Variants in KLHL15 observed in about 807,000 individuals in gnomAD.
KLHL15 encodes kelch-like protein 15.
A neutral mutation model predicts 29.3 loss-of-function variants in KLHL15; 1 was observed. The ratio of observed to expected loss-of-function variants is 0.03; its 90% CI spans 0.01 to 0.16. The LOEUF (loss-of-function observed/expected upper bound fraction) is 0.16. Among genes scored for constraint, KLHL15 ranks in the 10% least tolerant of loss-of-function variants. KLHL15 has a pLI of 1.00. For synonymous variants in KLHL15, 212 were observed against 184.5 expected, an observed-to-expected ratio of 1.15 and a Z score of -1.21; for missense variants, 215 against 478.5, an observed-to-expected ratio of 0.45 and a Z score of 5.14.
intron 2 of KLHL15, among the ~76,000 whole-genome samples, chrX:24,020,684 A>T (rs1929785938): frequency 8.9e-6 from 1 of 111,970 alleles, no homozygotes; most frequent in African/African-American, 3.2e-5. Context: ...GACTAGAAGT[A>T]GTCCAAGAGT....
chrX:23,995,120 GCATA>G (rs1466371104), intron 3 of KLHL15, among the ~76,000 whole-genome samples: 1 of 110,828 alleles, frequency 9.0e-6, no homozygotes, highest in African/African-American at 3.3e-5. Flanking sequence ...ACACACACAC[GCATA>G]TATACACACA....
chrX:23,995,045 C>T (rs766476618), intron 3 of KLHL15, among the ~76,000 whole-genome samples: 1 of 111,155 alleles, frequency 9.0e-6, no homozygotes, highest in South Asian at 3.7e-4. Flanking sequence ...TATGATATAG[C>T]TGACAATGAA....
intron 2 of KLHL15, among the ~76,000 whole-genome samples, chrX:24,011,680 G>C (rs1395062621): frequency 9.0e-6 from 1 of 110,657 alleles, no homozygotes; most frequent in Non-Finnish European, 1.9e-5. Context: ...GCTCACATCT[G>C]TAGTCCTGGC....
intron 2 of KLHL15, among the ~76,000 whole-genome samples, chrX:24,012,632 T>TA (rs1207002498): frequency 1.8e-5 from 2 of 112,190 alleles, no homozygotes; most frequent in African/African-American, 6.5e-5. Flanking sequence ...TCTCCATCCT[T>TA]ACTCCAGTCC....
intron 2 of KLHL15, among the ~76,000 whole-genome samples, chrX:24,018,526 G>C (rs57815594): frequency 1.8e-5 from 2 of 109,056 alleles, no homozygotes; most frequent in Non-Finnish European, 3.8e-5. Context: ...AACGTGTCTT[G>C]TTTCATAAAC....
intron 3 of KLHL15, among the ~76,000 whole-genome samples, chrX:24,002,002 G>T (rs1274673870): frequency 9.9e-6 from 1 of 101,308 alleles, no homozygotes; most frequent in Non-Finnish European, 2.0e-5. Flanking sequence ...GCGTGGTGGC[G>T]GGCGCCTGTA....
rs762454599 is a variant in KLHL15, at chrX:23,985,890, A to C, written c.*2031T>G. ...AAGCCACTAAACTAATGTAGAAAAA[A>C]ATTAAATGGCTAACTTATTCCTAAC... On this transcript the variant is annotated 3_prime_UTR_variant, in exon 4 of 4. Coordinates refer to ENST00000328046, the MANE Select transcript of KLHL15 (RefSeq NM_030624.3). 1.8e-5 allele frequency: 2 copies of C among 111,070 alleles called. No homozygotes were observed. The highest frequency in any genetic ancestry group is 6.6e-5 in the African/African-American group (2 of 30,485). The allele number at this position is 111,070 out of a possible 1,213,427, so 9.2% of individuals were successfully genotyped here.
At chrX:24,005,373 A>G (rs1036252606) in intron 3 of KLHL15, among the ~76,000 whole-genome samples, 2 of 112,368 alleles carry the variant, frequency 1.8e-5, no homozygotes, top group African/African-American at 6.5e-5. Context: ...TTGTTTAGAA[A>G]TGCCAAAATG....
At chrX:24,014,890 C>T (rs1354674361) in intron 2 of KLHL15, among the ~76,000 whole-genome samples, 10 of 111,997 alleles carry the variant, frequency 8.9e-5, no homozygotes, top group Non-Finnish European at 1.5e-4. Flanking sequence ...CTGTGTATGA[C>T]GGGAACTGGA....
At chrX:24,022,639 T>A (rs1287068793) in intron 2 of KLHL15, among the ~76,000 whole-genome samples, 3 of 90,728 alleles carry the variant, frequency 3.3e-5, no homozygotes, top group African/African-American at 1.2e-4. Flanking sequence ...ACTCTTGTCT[T>A]AAAAAAAAAA....
chrX:24,018,203 T>C (rs1239576466), intron 2 of KLHL15, among the ~76,000 whole-genome samples: 1 of 111,807 alleles, frequency 8.9e-6, no homozygotes, highest in Non-Finnish European at 1.9e-5. Flanking sequence ...AGCAGTAGCG[T>C]GCTCAACAAG....
intron 3 of KLHL15, among the ~76,000 whole-genome samples, chrX:23,990,828 A>G (rs1929068042): frequency 9.2e-6 from 1 of 109,161 alleles, no homozygotes. Context: ...TCTTTAGCCC[A>G]TTCACTAATT....
intron 3 of KLHL15, among the ~76,000 whole-genome samples, chrX:23,989,621 T>C (rs767858270): frequency 1.2e-4 from 13 of 111,529 alleles, no homozygotes; most frequent in African/African-American, 3.2e-4. Context: ...GAGGAAACCA[T>C]ATCCACAGTT....
chrX:24,018,183 C>T (rs1182986794), intron 2 of KLHL15, among the ~76,000 whole-genome samples: 2 of 111,884 alleles, frequency 1.8e-5, no homozygotes, highest in African/African-American at 3.3e-5. Context: ...ATGGCAGAGA[C>T]AGCCGCGGCA....
chrX:24,023,994 C>T (rs1198466693), intron 2 of KLHL15, among the ~76,000 whole-genome samples: 1 of 112,054 alleles, frequency 8.9e-6, no homozygotes, highest in Non-Finnish European at 1.9e-5. Flanking sequence ...TAAATTACCA[C>T]TTAATCAGAT....
intron 3 of KLHL15, 133 bp from the exon 4 acceptor site, chrX:23,989,163 C>A: frequency 2.1e-6 from 1 of 484,128 alleles, no homozygotes; most frequent in Non-Finnish European, 3.2e-6. Flanking sequence ...CACCTACTTT[C>A]TTTTGTTTTC....
At chrX:24,015,168 A>G (rs1184101316) in intron 2 of KLHL15, among the ~76,000 whole-genome samples, 2 of 112,208 alleles carry the variant, frequency 1.8e-5, no homozygotes, top group Non-Finnish European at 3.8e-5. Flanking sequence ...TAATTTTAGA[A>G]CAGAAATATC....
At chrX:23,999,594 C>CAAAA (rs57473929) in intron 3 of KLHL15, among the ~76,000 whole-genome samples, 12,028 of 55,152 alleles carry the variant, frequency 0.22, 1,185 homozygotes, top group East Asian at 0.5. Flanking sequence ...GACTCCGTCT[C>CAAAA]AAAAAAAAAA....
chrX:23,997,784 A>G (rs1829293178), intron 3 of KLHL15, among the ~76,000 whole-genome samples: 2 of 106,242 alleles, frequency 1.9e-5, no homozygotes. Context: ...AGAAAAAGAA[A>G]CTAACAAGCC....
Sources: gnomAD v4.1 joint callset for allele counts (sites outside exome capture counted in the v4.1 genomes callset) on GRCh38, gnomAD v4.1.1 for gene constraint, MANE v1.5 for transcripts, NCBI Gene and HGNC (gene_info 2026-07-23, HGNC 2026-07-21) for gene names.